Variants in CDH20 observed in about 807,000 individuals in gnomAD.
The protein encoded by CDH20 is cadherin-20.
In CDH20, 29 loss-of-function variants were observed where a neutral mutation model predicts 74.2. The ratio of observed to expected loss-of-function variants is 0.39; its 90% CI spans 0.29 to 0.53. The LOEUF is 0.53. Among genes scored for constraint, CDH20 ranks in the 20% least tolerant of loss-of-function variants. The pLI is 0.69. For missense variants in CDH20, 988 were observed against 1,048.3 expected (o/e 0.94, Z 0.79); for synonymous variants, 469 against 405.4 (o/e 1.16, Z -1.88).
chr18:61,520,606 A>C (rs1412469395), intron 6 of CDH20, among the ~76,000 whole-genome samples: 1 of 20,602 alleles, frequency 4.9e-5, no homozygotes, highest in East Asian at 2.5e-3. Flanking sequence ...ACCTCTACAG[A>C]ACTCTCCACC....
chr18:61,379,948 C>T (rs1247212392), intron 1 of CDH20, among the ~76,000 whole-genome samples: 1 of 152,180 alleles, frequency 6.6e-6, no homozygotes, highest in African/African-American at 2.4e-5. Context: ...TGAACCAAGG[C>T]AATAAGCAAA....
intron 1 of CDH20, among the ~76,000 whole-genome samples, chr18:61,411,399 A>G (rs1302936011): frequency 6.6e-6 from 1 of 152,114 alleles, no homozygotes; most frequent in Non-Finnish European, 1.5e-5. Context: ...CAATCCCACT[A>G]CTGGGTATCT....
chr18:61,463,631 A>G (rs909739516), intron 1 of CDH20, among the ~76,000 whole-genome samples: 2 of 152,100 alleles, frequency 1.3e-5, no homozygotes, highest in African/African-American at 4.8e-5. Flanking sequence ...AGAGGAGAGT[A>G]GTGCTGGGGG....
intron 1 of CDH20, among the ~76,000 whole-genome samples, chr18:61,453,470 G>A (rs1209963599): frequency 6.6e-6 from 1 of 152,066 alleles, no homozygotes; most frequent in Non-Finnish European, 1.5e-5. Context: ...TAGTAGAGAT[G>A]GGGTTTCACC....
intron 6 of CDH20, among the ~76,000 whole-genome samples, chr18:61,508,692 A>AG (rs1911669974): frequency 6.6e-6 from 1 of 152,172 alleles, no homozygotes; most frequent in Admixed American, 6.5e-5. Flanking sequence ...GCTGGAGTAC[A>AG]GTGGCGCAAT....
intron 1 of CDH20, among the ~76,000 whole-genome samples, chr18:61,364,592 G>A (rs184642953): frequency 1.5e-4 from 23 of 152,172 alleles, no homozygotes; most frequent in South Asian, 6.2e-4. Flanking sequence ...GATTACAGGC[G>A]TGAGCCACTG....
chr18:61,483,890 G>T (rs1022778313), intron 1 of CDH20, among the ~76,000 whole-genome samples: 1 of 152,176 alleles, frequency 6.6e-6, no homozygotes, highest in Non-Finnish European at 1.5e-5. Context: ...AAGTGGTAGG[G>T]CTGAAACTCA....
At chr18:61,460,054 C>G (rs1909716175) in intron 1 of CDH20, among the ~76,000 whole-genome samples, 1 of 152,048 alleles carries the variant, frequency 6.6e-6, no homozygotes, top group African/African-American at 2.4e-5. Flanking sequence ...GATTTGAGTT[C>G]CTTTCTTCTA....
chr18:61,467,649 C>G (rs1476959566), intron 1 of CDH20, among the ~76,000 whole-genome samples: 24 of 152,322 alleles, frequency 1.6e-4, no homozygotes, highest in Non-Finnish European at 2.9e-5. Context: ...ATTTTCTTCT[C>G]TACTTTTGGA....
At chr18:61,495,423 T>C (rs945681248) in intron 2 of CDH20, among the ~76,000 whole-genome samples, 1 of 152,190 alleles carries the variant, frequency 6.6e-6, no homozygotes, top group Non-Finnish European at 1.5e-5. Context: ...GTGCTGGGGC[T>C]GAAACTCTCC....
chr18:61,384,151 C>T (rs1911522158), intron 1 of CDH20, among the ~76,000 whole-genome samples: 1 of 152,166 alleles, frequency 6.6e-6, no homozygotes, highest in Non-Finnish European at 1.5e-5. Context: ...TAGACTGTCT[C>T]AGGCTACCAG....
chr18:61,354,851 G>A (rs1910445494), intron 1 of CDH20, among the ~76,000 whole-genome samples: 1 of 152,114 alleles, frequency 6.6e-6, no homozygotes, highest in Admixed American at 6.5e-5. Context: ...CTACACATTT[G>A]TAAGTACTTC....
intron 1 of CDH20, among the ~76,000 whole-genome samples, chr18:61,424,462 G>T (rs941190082): frequency 8.5e-5 from 13 of 152,132 alleles, no homozygotes; most frequent in African/African-American, 2.4e-4. Context: ...TATTATTTGT[G>T]CCTAAATTAG....
chr18:61,348,099 A>AT (rs869202948), intron 1 of CDH20, among the ~76,000 whole-genome samples: 1 of 152,160 alleles, frequency 6.6e-6, no homozygotes, highest in Admixed American at 6.5e-5. Context: ...AATTGATTTC[A>AT]TTTTTTTGGG....
intron 1 of CDH20, among the ~76,000 whole-genome samples, chr18:61,374,955 A>T (rs1373655791): frequency 6.6e-6 from 1 of 152,182 alleles, no homozygotes; most frequent in East Asian, 1.9e-4. Context: ...GTTTATAAGG[A>T]CAGCAAAAAG....
In CDH20 at chr18:61,555,630, A is replaced by G; in HGVS notation, c.*935A>G. ...TTACATACTGTAGATAACCTACTTG[A>G]ACAAAAATCAGTATTATAGAGAATA... On this transcript the variant is annotated 3_prime_UTR_variant, in exon 12 of 12. Coordinates refer to ENST00000262717, the MANE Select transcript of CDH20 (RefSeq NM_031891.4). 1 of 984,162 alleles carries G rather than the reference A, an allele frequency of 1.0e-6. No individual in the cohort carries two copies. The highest frequency in any genetic ancestry group is 1.2e-6 in the Non-Finnish European group (1 of 828,740). 61.0% of individuals were successfully genotyped at this position (984,162 alleles called of 1,614,324 possible).
chr18:61,555,678 G>T lies in CDH20; in HGVS notation c.*983G>T, dbSNP rs1214509218. The T allele has an allele frequency of 1.5e-5, 15 of 968,330 alleles. No homozygotes were observed. Among genetic ancestry groups the T allele is most frequent in the Non-Finnish European group, 1.7e-5 (14 of 814,458 alleles). The allele number at this position is 968,330 out of a possible 1,614,324, so 60.0% of individuals were successfully genotyped here. Reference sequence around the variant, plus strand: ...ATAAATGGATGTAAGAAAATTACATGTACAAGTTTTGTATATTTGTTAATA... The same window carrying T: ...ATAAATGGATGTAAGAAAATTACATTTACAAGTTTTGTATATTTGTTAATA... On this transcript the variant is annotated 3_prime_UTR_variant, in exon 12 of 12. Transcript: ENST00000262717.
chr18:61,351,912 C>T (rs1046954606), intron 1 of CDH20, among the ~76,000 whole-genome samples: 1 of 152,090 alleles, frequency 6.6e-6, no homozygotes, highest in African/African-American at 2.4e-5. Context: ...CAAAATGCTT[C>T]TGCAATGAAA....
intron 6 of CDH20, among the ~76,000 whole-genome samples, chr18:61,510,670 T>TG (rs1911746289): frequency 9.8e-5 from 15 of 152,294 alleles, no homozygotes; most frequent in South Asian, 2.1e-4. Context: ...CCAGAAATCT[T>TG]TCTATCCTGT....
Sources: gnomAD v4.1 joint callset for allele counts (sites outside exome capture counted in the v4.1 genomes callset) on GRCh38, gnomAD v4.1.1 for gene constraint, MANE v1.5 for transcripts, NCBI Gene and HGNC (gene_info 2026-07-23, HGNC 2026-07-21) for gene names.